ETS1: variants seen among roughly 807,000 people sequenced by gnomAD.
ETS1 encodes protein C-ets-1.
Under a neutral mutation model 58.6 loss-of-function variants are expected in ETS1, and 15 were observed. That is an observed-to-expected ratio of 0.26 (90% CI 0.17 to 0.39). The LOEUF (loss-of-function observed/expected upper bound fraction) is 0.39, where lower values mean the gene tolerates loss of function less well. Among genes scored for constraint, ETS1 ranks in the 10% least tolerant of loss-of-function variants. ETS1 has a pLI of 1.00. For synonymous variants in ETS1, 214 were observed against 218.2 expected (o/e 0.98, Z 0.17); for missense variants, 417 against 610.5 (o/e 0.68, Z 3.34).
In ETS1 at chr11:128,485,038, G is replaced by A; in HGVS notation, c.647C>T (p.Pro216Leu). The change falls in exon 7 of 10, where the codon CCA (proline) becomes CTA (leucine). Residue 216 changes from proline (P) to leucine (L), a missense_variant. Pro to Leu is a moderately conservative substitution (Grantham distance 98). Coordinates refer to ENST00000392668, the MANE Select transcript of ETS1 (RefSeq NM_001143820.2). The stretch of plus-strand genomic sequence containing the variant: ...GAAGCTGGGCTCTGAGAACTCCGAT[G>A]GTGGAACACACTGGGCATGCTCAAT... Reference protein sequence around the residue: ...YGIEHAQCVPPSEFSEPSFIT... With the variant: ...YGIEHAQCVPLSEFSEPSFIT... 6.2e-7 allele frequency: 1 copy of A among 1,613,884 alleles called. No individual in the cohort carries two copies. The highest frequency in any genetic ancestry group is 2.2e-5 in the East Asian group (1 of 44,878).
At position 128,460,370 on chromosome 11, in the gene ETS1, A is replaced by G. The variant is rs1861878819; in HGVS notation, c.*1991T>C. 1 of 152,800 alleles carries G rather than the reference A, an allele frequency of 6.5e-6. No homozygotes were observed. Among genetic ancestry groups the G allele is most frequent in the African/African-American group, 2.4e-5 (1 of 41,444 alleles). The allele number at this position is 152,800 out of a possible 1,614,324, so 9.5% of individuals were successfully genotyped here. ...GTATGGGGACACTCATGAATCACAG[A>G]GCTATGTTCCTGATAATTCTGGGTC... is the stretch of plus-strand genomic sequence containing the variant. On this transcript the variant is annotated 3_prime_UTR_variant, in exon 10 of 10. Coordinates refer to ENST00000392668, the MANE Select transcript of ETS1 (RefSeq NM_001143820.2).
intron 3 of ETS1, 115 bp from the exon 4 acceptor site, chr11:128,490,691 T>G: frequency 1.5e-6 from 1 of 653,772 alleles, no homozygotes; most frequent in Non-Finnish European, 2.6e-6. Context: ...GCTAGCATCC[T>G]CACCAGAGCA....
rs776012398 is a variant in ETS1, at chr11:128,484,872, T to C, written c.813A>G (p.Lys271=). The part of the protein sequence containing the change: ...DTLQNDYFAI[K]QEVVTPDNMC... ...TGTTGTCTGGGGTGACGACTTCTTG[T>C]TTGATAGCAAAGTAGTCATTCTGCA... Residue 271 remains lysine, a synonymous_variant, in exon 7 of 10, where the codon AAA becomes AAG. Coordinates refer to ENST00000392668, the MANE Select transcript of ETS1 (RefSeq NM_001143820.2). The C allele has an allele frequency of 9.9e-6, 16 of 1,613,854 alleles. No individual in the cohort carries two copies. Among genetic ancestry groups the C allele is most frequent in the Non-Finnish European group, 1.4e-5 (16 of 1,179,902 alleles).
chr11:128,573,001 G>T, intron 2 of ETS1, 61 bp downstream of exon 2: 1 of 1,353,364 alleles, frequency 7.4e-7, no homozygotes, highest in Non-Finnish European at 1.0e-6. Flanking sequence ...GATACAGGAA[G>T]CACAAGGAGG....
intron 8 of ETS1, among the ~76,000 whole-genome samples, chr11:128,477,042 T>G (rs1377522085): frequency 6.6e-6 from 1 of 152,238 alleles, no homozygotes; most frequent in Admixed American, 6.5e-5. Context: ...CTAACTGGCT[T>G]CCGCACTTAC....
At chr11:128,579,886 C>T (rs189653672) in intron 1 of ETS1, among the ~76,000 whole-genome samples, 81 of 152,176 alleles carry the variant, frequency 5.3e-4, no homozygotes, top group African/African-American at 1.8e-3. Context: ...TCCCCTCCCC[C>T]CTACCCTCTT....
intron 1 of ETS1, among the ~76,000 whole-genome samples, chr11:128,584,877 GGA>G (rs1229896710): frequency 2.1e-5 from 3 of 142,636 alleles, no homozygotes; most frequent in Admixed American, 7.3e-5. Context: ...GAGGGAAGAG[GGA>G]GAGAGAGAAG....
chr11:128,492,642 G>T (rs1006645749), intron 3 of ETS1, among the ~76,000 whole-genome samples: 2 of 152,126 alleles, frequency 1.3e-5, no homozygotes, highest in Non-Finnish European at 2.9e-5. Context: ...ATAGAATGTT[G>T]ATTACATAAC....
At chr11:128,500,925 T>G (rs1863072846) in intron 3 of ETS1, among the ~76,000 whole-genome samples, 1 of 152,216 alleles carries the variant, frequency 6.6e-6, no homozygotes, top group Admixed American at 6.5e-5. Context: ...CCATCCTTTT[T>G]GAGCTACACA....
At chr11:128,468,454 T>A (rs543901911) in intron 8 of ETS1, among the ~76,000 whole-genome samples, 3 of 152,154 alleles carry the variant, frequency 2.0e-5, no homozygotes, top group Non-Finnish European at 2.9e-5. Flanking sequence ...GTCAGTATCA[T>A]TCTTCTCATT....
At chr11:128,584,498 G>A (rs1302120996) in intron 1 of ETS1, among the ~76,000 whole-genome samples, 1 of 152,158 alleles carries the variant, frequency 6.6e-6, no homozygotes, top group Admixed American at 6.5e-5. Context: ...AAACTTCATT[G>A]TAGATTAAAT....
intron 3 of ETS1, among the ~76,000 whole-genome samples, chr11:128,528,813 A>C (rs904917310): frequency 2.0e-5 from 3 of 152,214 alleles, no homozygotes; most frequent in African/African-American, 7.2e-5. Flanking sequence ...GTCTTCGTAA[A>C]GTTTTATTCT....
rs754163262 is a variant in ETS1 at position 128,462,442 on chromosome 11, C to G, written c.1377G>C (p.Val459=). 4 of 1,614,102 alleles carry G rather than the reference C, an allele frequency of 2.5e-6. No individual in the cohort carries two copies. In the African/African-American group the frequency reaches 5.3e-5, roughly 22 times the overall value. ...ACCCCAGCAGGCTCTGCAGGTCACA[C>G]ACAAAGCGGTACACGTAGCGTTTCC... ...TAGKRYVYRF[V]CDLQSLLGYT... The change falls in exon 10 of 10, where the codon GTG becomes GTC. Residue 459 remains valine (V), a synonymous_variant. Coordinates refer to ENST00000392668, the MANE Select transcript of ETS1 (RefSeq NM_001143820.2).
At chr11:128,477,834 GT>G (rs113148548) in intron 8 of ETS1, among the ~76,000 whole-genome samples, 4 of 152,076 alleles carry the variant, frequency 2.6e-5, no homozygotes, top group Admixed American at 6.5e-5. Context: ...ATAATTGAGG[GT>G]TTTTTTCTCT....
chr11:128,584,943 AAAG>A (rs1429296058), intron 1 of ETS1, among the ~76,000 whole-genome samples: 1 of 15,904 alleles, frequency 6.3e-5, no homozygotes, highest in Non-Finnish European at 1.1e-4. Context: ...AAGAGAAAAG[AAAG>A]AAAGAAAGAA....
intron 3 of ETS1, among the ~76,000 whole-genome samples, chr11:128,500,305 G>C (rs766878497): frequency 7.2e-5 from 11 of 152,092 alleles, no homozygotes; most frequent in Non-Finnish European, 1.3e-4. Context: ...CCTGGGAAGA[G>C]GCAACAACCG....
In ETS1 at chr11:128,462,340, TC is replaced by T; in HGVS notation, c.*20del. 1.3e-6 allele frequency: 2 copies of T among 1,589,346 alleles called. No individual in the cohort carries two copies. The highest frequency in any genetic ancestry group is 1.8e-4 in the Middle Eastern group (1 of 5,522). On this transcript the variant is annotated 3_prime_UTR_variant, in exon 10 of 10. Transcript: ENST00000392668. Reference sequence around the variant, plus strand: ...GTCCTTGGAAGGTCTCAGCAGGGTTTCCCCAGCCCCTTCAGTGCCATCACTC... The same window carrying T: ...GTCCTTGGAAGGTCTCAGCAGGGTTTCCCAGCCCCTTCAGTGCCATCACTC...
chr11:128,490,415 G>C, intron 4 of ETS1, 42 bp downstream of exon 4: 1 of 1,609,784 alleles, frequency 6.2e-7, no homozygotes, highest in Non-Finnish European at 8.5e-7. Context: ...CTTCCCAAAG[G>C]GTCTGACCCC....
At chr11:128,586,641 C>G (rs1479107982) in intron 1 of ETS1, among the ~76,000 whole-genome samples, 1 of 152,166 alleles carries the variant, frequency 6.6e-6, no homozygotes, top group Non-Finnish European at 1.5e-5. Context: ...AAAACTTACC[C>G]AAAAGGTGAT....
Sources: allele counts gnomAD v4.1 joint callset (sites outside exome capture counted in the v4.1 genomes callset), GRCh38; gene constraint gnomAD v4.1.1; transcripts MANE v1.5; gene names NCBI Gene and HGNC (gene_info 2026-07-23, HGNC 2026-07-21).